CCDC158: variants seen among roughly 807,000 people sequenced by gnomAD.
CCDC158 encodes coiled-coil domain-containing protein 158.
A neutral mutation model predicts 138.6 loss-of-function variants in CCDC158; 116 were observed. That is an observed-to-expected ratio of 0.84 (90% CI 0.72 to 0.98). The LOEUF is 0.98. Ranked by LOEUF, CCDC158 falls within the 50% of genes least tolerant of loss-of-function variation. The probability of loss-of-function intolerance (pLI) is 0.00; values close to 1 mark genes in which losing one functional copy is unlikely to be tolerated. For missense variants in CCDC158, 1,265 were observed against 1,306.1 expected (o/e 0.97, Z 0.48); for synonymous variants, 436 against 442.4 (o/e 0.99, Z 0.18).
At chr4:76,417,081 G>T (rs1729758064) in intron 1 of CCDC158, among the ~76,000 whole-genome samples, 1 of 152,028 alleles carries the variant, frequency 6.6e-6, no homozygotes, top group South Asian at 2.1e-4. Context: ...GGTTGGAGCT[G>T]CCCAAGACCA....
Position 76,359,409 on chromosome 4 carries a change from G to C in CCDC158, c.2021-1883C>G, listed in dbSNP as rs532520530. 4.3e-3 allele frequency among the ~76,000 whole-genome samples: 650 copies of C among 152,120 alleles called. 4 individuals are homozygous for C. Among genetic ancestry groups the C allele is most frequent in the African/African-American group, 0.015 (606 of 41,556 alleles). On this transcript the variant is annotated intron_variant, in intron 13 of 24. Coordinates refer to ENST00000682701, the MANE Select transcript of CCDC158 (RefSeq NM_001394954.1). ...AGGTTGTAACAGTTTGGAGAGATCA[G>C]AAGAAGACAGGAAGATGTGGGAAAG...
At chr4:76,353,000 T>C in intron 16 of CCDC158, 123 bp downstream of exon 16, 1 of 734,806 alleles carries the variant, frequency 1.4e-6, no homozygotes, top group South Asian at 2.3e-5. Context: ...TGCTAGGTGA[T>C]TGGGATACAA....
chr4:76,344,342 A>C (rs554723699), intron 18 of CCDC158, among the ~76,000 whole-genome samples: 4 of 152,242 alleles, frequency 2.6e-5, no homozygotes, highest in Admixed American at 2.6e-4. Flanking sequence ...CCACTGCTCG[A>C]GGAAATAAGG....
chr4:76,329,111 A>C, intron 21 of CCDC158, 144 bp from the exon 22 acceptor site: 1 of 631,254 alleles, frequency 1.6e-6, no homozygotes, highest in Non-Finnish European at 2.9e-6. Flanking sequence ...AAGTCCTAAA[A>C]TACTCTAAGA....
chr4:76,345,312 A>C, intron 18 of CCDC158: 2 of 1,084,520 alleles, frequency 1.8e-6, no homozygotes, highest in Non-Finnish European at 2.9e-6. Flanking sequence ...ATACAGACAC[A>C]CCAAAGCCCT....
At chr4:76,375,654 G>A in intron 9 of CCDC158, 1 of 701,554 alleles carries the variant, frequency 1.4e-6, no homozygotes, top group Non-Finnish European at 2.6e-6. Context: ...AGAGCCAATA[G>A]TGACAGCTTC....
At chr4:76,394,609 T>A (rs1727609685) in intron 4 of CCDC158, among the ~76,000 whole-genome samples, 1 of 152,082 alleles carries the variant, frequency 6.6e-6, no homozygotes, top group Non-Finnish European at 1.5e-5. Context: ...AATTGTACAT[T>A]TTCAAATAAC....
At chr4:76,338,592 CT>C (rs1345698720) in intron 18 of CCDC158, among the ~76,000 whole-genome samples, 16 of 152,172 alleles carry the variant, frequency 1.1e-4, no homozygotes, top group Non-Finnish European at 8.8e-5. Context: ...TGCTCACAGA[CT>C]TATCAAAACC....
chr4:76,389,576 A>T (rs1045245767), intron 4 of CCDC158, among the ~76,000 whole-genome samples: 10 of 152,208 alleles, frequency 6.6e-5, no homozygotes, highest in Non-Finnish European at 1.3e-4. Flanking sequence ...GAACTTCCCA[A>T]ACCTAGAGAA....
upstream of CCDC158, among the ~76,000 whole-genome samples, chr4:76,421,527 C>T (rs1390376363): frequency 6.6e-6 from 1 of 152,080 alleles, no homozygotes; most frequent in African/African-American, 2.4e-5. Flanking sequence ...CCGAGCGCCT[C>T]GGGCCACTCT....
At chr4:76,321,366 A>G (rs1560779365) in intron 24 of CCDC158, among the ~76,000 whole-genome samples, 1 of 152,094 alleles carries the variant, frequency 6.6e-6, no homozygotes, top group Non-Finnish European at 1.5e-5. Context: ...GAGATTTCTT[A>G]AACAACTAAA....
intron 12 of CCDC158, among the ~76,000 whole-genome samples, chr4:76,366,626 A>ACAC (rs1724690719): frequency 0.026 from 667 of 25,660 alleles, 5 homozygotes; most frequent in African/African-American, 0.056. Flanking sequence ...CTGCTACATA[A>ACAC]ACACACACAC....
At chr4:76,357,249 T>C (rs1723659647) in intron 14 of CCDC158, 125 bp downstream of exon 14, 1 of 528,238 alleles carries the variant, frequency 1.9e-6, no homozygotes, top group Non-Finnish European at 3.1e-6. Flanking sequence ...CCTACTATTG[T>C]ATATTTCTTA....
intron 1 of CCDC158, among the ~76,000 whole-genome samples, chr4:76,418,114 AT>A (rs1729841617): frequency 6.6e-6 from 1 of 152,180 alleles, no homozygotes; most frequent in Non-Finnish European, 1.5e-5. Context: ...GCACTGGAGG[AT>A]TTTAATCAAG....
chr4:76,389,939 ACCAGACC>A (rs1401051791), intron 4 of CCDC158, among the ~76,000 whole-genome samples: 1 of 152,194 alleles, frequency 6.6e-6, no homozygotes, highest in African/African-American at 2.4e-5. Flanking sequence ...TCAACACCAG[ACCAGACC>A]CATCCTACAA....
intron 3 of CCDC158, 36 bp downstream of exon 3, chr4:76,403,102 A>T (rs748909175): frequency 6.9e-7 from 1 of 1,445,524 alleles, no homozygotes; most frequent in South Asian, 1.2e-5. Flanking sequence ...GGTTAATTCT[A>T]TTTTTTCCCC....
At chr4:76,382,505 T>C (rs1243169549) in intron 8 of CCDC158, 105 bp downstream of exon 8, 2 of 681,256 alleles carry the variant, frequency 2.9e-6, no homozygotes, top group Non-Finnish European at 5.0e-6. Flanking sequence ...TTCACTTTCT[T>C]ATGAAATCTT....
intron 12 of CCDC158, among the ~76,000 whole-genome samples, chr4:76,366,611 A>C (rs967271784): frequency 1.4e-5 from 2 of 146,842 alleles, no homozygotes; most frequent in Non-Finnish European, 3.0e-5. Context: ...AGGGAAAAGG[A>C]GACACTGCTA....
chr4:76,408,874 C>T (rs977342291), intron 2 of CCDC158, among the ~76,000 whole-genome samples: 3 of 152,174 alleles, frequency 2.0e-5, no homozygotes, highest in Non-Finnish European at 4.4e-5. Context: ...TTAATGATCG[C>T]CATTCTAACT....
Sources: gnomAD v4.1 joint callset for allele counts (sites outside exome capture counted in the v4.1 genomes callset) on GRCh38, gnomAD v4.1.1 for gene constraint, MANE v1.5 for transcripts, NCBI Gene and HGNC (gene_info 2026-07-23, HGNC 2026-07-21) for gene names.